The following CASD1 variants were observed in gnomAD, a reference collection of about 807,000 sequenced individuals.
CASD1 encodes CAS1 domain sialic acid O acetyltransferase 1, also known as N-acetylneuraminate (7)9-O-acetyltransferase.
CASD1 carries 41 observed loss-of-function variants against 100.0 expected under a neutral mutation model. The ratio of observed to expected loss-of-function variants is 0.41; its 90% CI spans 0.32 to 0.53. CASD1 has a LOEUF of 0.53. Ranked by LOEUF, CASD1 falls within the 20% of genes least tolerant of loss-of-function variation. CASD1 has a pLI of 0.25. For missense variants in CASD1, 774 were observed against 948.7 expected (o/e 0.82, Z 2.42); for synonymous variants, 321 against 315.6 (o/e 1.02, Z -0.18).
chr7:94,512,116 A>G (rs1793742254), intron 1 of CASD1, among the ~76,000 whole-genome samples: 1 of 152,234 alleles, frequency 6.6e-6, no homozygotes, highest in African/African-American at 2.4e-5. Context: ...CCTTCACACA[A>G]AGATAATCAT....
chr7:94,569,882 C>T, the CASD1 span, among the ~76,000 whole-genome samples: 35 of 149,418 alleles, frequency 2.3e-4, no homozygotes, highest in Admixed American at 1.7e-3. Context: ...GGTGTGATCT[C>T]GGCTCACTGC....
At chr7:94,592,424 G>A in the CASD1 span, among the ~76,000 whole-genome samples, 2 of 152,130 alleles carry the variant, frequency 1.3e-5, no homozygotes, top group South Asian at 4.2e-4. Context: ...TTCCAAGGAG[G>A]GACCTTAATG....
the CASD1 span, chr7:94,627,930 A>G: frequency 4.0e-5 from 15 of 377,954 alleles, no homozygotes; most frequent in East Asian, 6.8e-4. Flanking sequence ...TTTCTCAAAT[A>G]GAATTCATAT....
At chr7:94,543,004 T>G (rs1795490784) in intron 10 of CASD1, among the ~76,000 whole-genome samples, 1 of 152,198 alleles carries the variant, frequency 6.6e-6, no homozygotes, top group Non-Finnish European at 1.5e-5. Flanking sequence ...CATCTGATAG[T>G]AAAAATTGGA....
the CASD1 span, among the ~76,000 whole-genome samples, chr7:94,576,066 G>C: frequency 6.6e-6 from 1 of 152,148 alleles, no homozygotes; most frequent in African/African-American, 2.4e-5. Flanking sequence ...TATTCTTCCT[G>C]TCTGTCTCTT....
the CASD1 span, chr7:94,599,598 A>G: frequency 1.1e-6 from 1 of 921,742 alleles, no homozygotes; most frequent in South Asian, 1.4e-5. Flanking sequence ...ATGAAAGATG[A>G]CAAATGAAAA....
rs770159446 is a variant in CASD1, at chr7:94,545,686, C to CA, written c.1626dup (p.Ala543SerfsTer33). On this transcript the variant is annotated frameshift_variant, in exon 12 of 18. Transcript: ENST00000297273. LOFTEE classifies it high-confidence loss of function. ...TTTAGCACTATGGCCACAAATAATC[C>CA]AAAAAAAAGCAAACGGTAAATATAC... The CA allele has an allele frequency of 5.6e-5, 88 of 1,572,954 alleles. No individual in the cohort carries two copies. Among genetic ancestry groups the CA allele is most frequent in the South Asian group, 1.4e-4 (12 of 84,104 alleles).
intron 5 of CASD1, among the ~76,000 whole-genome samples, chr7:94,532,542 C>T (rs150646531): frequency 3.2e-4 from 49 of 152,144 alleles, no homozygotes; most frequent in African/African-American, 8.7e-4. Flanking sequence ...CTCAGAATGG[C>T]ACATAATTTA....
At chr7:94,583,465 T>A in the CASD1 span, among the ~76,000 whole-genome samples, 1 of 152,090 alleles carries the variant, frequency 6.6e-6, no homozygotes, top group Non-Finnish European at 1.5e-5. Flanking sequence ...GGTCCCTTAG[T>A]CAATTCTAAA....
At chr7:94,585,984 T>A in the CASD1 span, among the ~76,000 whole-genome samples, 1 of 135,518 alleles carries the variant, frequency 7.4e-6, no homozygotes, top group Non-Finnish European at 1.5e-5. Context: ...AGTGCTCAAG[T>A]CCAGGAACAC....
chr7:94,625,668 T>C, the CASD1 span: 6 of 152,140 alleles, frequency 3.9e-5, no homozygotes, highest in South Asian at 6.2e-4. Flanking sequence ...TCTAGTACTT[T>C]TTTTTAATTG....
At chr7:94,600,553 T>C in the CASD1 span, 3 of 891,930 alleles carry the variant, frequency 3.4e-6, no homozygotes. Flanking sequence ...CAAAGTGTTT[T>C]ATGAACCAAA....
rs148811012 is a variant in CASD1 at position 94,550,885 on chromosome 7, A to G, written c.1816-453A>G. 4.5e-3 allele frequency among the ~76,000 whole-genome samples: 680 copies of G among 152,206 alleles called. 5 individuals carry two copies. The highest frequency in any genetic ancestry group is 7.1e-3 in the Non-Finnish European group (481 of 67,990). On this transcript the variant is annotated intron_variant, in intron 14 of 17. Coordinates refer to ENST00000297273, the MANE Select transcript of CASD1 (RefSeq NM_022900.5). ...AGAAAGCTCATGTACTTTCCGGTCT[A>G]CCATATTTTTTTCACTTTTATGAGC...
chr7:94,572,028 A>G, the CASD1 span, among the ~76,000 whole-genome samples: 1 of 152,110 alleles, frequency 6.6e-6, no homozygotes, highest in Non-Finnish European at 1.5e-5. Flanking sequence ...AATTCTCTCA[A>G]AAACATCTGG....
Position 94,545,734 on chromosome 7 carries a change from A to G in CASD1, c.1633+33A>G, listed in dbSNP as rs913086386. On this transcript the variant is annotated intron_variant, in intron 12 of 17. Transcript: ENST00000297273. Reference sequence around the variant, plus strand: ...TACTTTCTTACTAATGTTAGTAAATATATTTTTTCAACGTGTGAAATTTCT... The same window carrying G: ...TACTTTCTTACTAATGTTAGTAAATGTATTTTTTCAACGTGTGAAATTTCT... 6.4e-6 allele frequency: 9 copies of G among 1,411,922 alleles called. No individual in the cohort carries two copies. In the African/African-American group the frequency reaches 1.2e-4, roughly 18 times the overall value. The allele number at this position is 1,411,922 out of a possible 1,614,324, so 87.5% of individuals were successfully genotyped here. A position where few individuals can be genotyped will look rare whatever the true frequency, so the allele number is the denominator to read the frequency against.
the CASD1 span, chr7:94,629,782 G>A: frequency 1.2e-6 from 2 of 1,611,010 alleles, no homozygotes; most frequent in South Asian, 2.2e-5. Context: ...TGAACAAAGA[G>A]GACACCTGCT....
At chr7:94,594,707 G>T in the CASD1 span, among the ~76,000 whole-genome samples, 1 of 152,016 alleles carries the variant, frequency 6.6e-6, no homozygotes. Flanking sequence ...AGGCGTATCT[G>T]GGAACTCTCT....
the CASD1 span, among the ~76,000 whole-genome samples, chr7:94,584,234 T>C: frequency 6.6e-6 from 1 of 152,206 alleles, no homozygotes; most frequent in African/African-American, 2.4e-5. Context: ...TTAGGAGCAG[T>C]TTGATTTCAC....
chr7:94,633,434 G>A, the CASD1 span, among the ~76,000 whole-genome samples: 1 of 151,980 alleles, frequency 6.6e-6, no homozygotes, highest in Non-Finnish European at 1.5e-5. Context: ...CAAGTAGCTG[G>A]GATCATTATC....
Sources: gnomAD v4.1 joint callset for allele counts (sites outside exome capture counted in the v4.1 genomes callset) on GRCh38, gnomAD v4.1.1 for gene constraint, MANE v1.5 for transcripts, NCBI Gene and HGNC (gene_info 2026-07-23, HGNC 2026-07-21) for gene names.